CRACD: variants seen among roughly 807,000 people sequenced by gnomAD.
The protein encoded by CRACD is capping protein inhibiting regulator of actin dynamics.
Under a neutral mutation model 106.8 loss-of-function variants are expected in CRACD, and 56 were observed. That is an observed-to-expected ratio of 0.52 (90% CI 0.42 to 0.66). The LOEUF is 0.66. CRACD is among the 30% of genes least tolerant of loss of function. CRACD has a pLI of 0.00. For synonymous variants in CRACD, 754 were observed against 670.8 expected (o/e 1.12, Z -1.92); for missense variants, 1,730 against 1,623.2 (o/e 1.07, Z -1.13).
At chr4:56,289,066 A>G (rs954414505) in intron 3 of CRACD, among the ~76,000 whole-genome samples, 3 of 152,220 alleles carry the variant, frequency 2.0e-5, no homozygotes, top group Admixed American at 6.5e-5. Context: ...TACCTGAAAT[A>G]GTAAAATTCA....
At position 56,314,572 on chromosome 4, in the gene CRACD, A is replaced by C. The variant is rs1190935364; in HGVS notation, c.1070A>C (p.Glu357Ala). ...QEEEEGRCAE[E>A]LKRQEEEEAE... Reference sequence around the variant, plus strand: ...GAGGAGGAAGGAAGATGCGCGGAGGAGCTCAAAAGGCAGGAGGAGGAGGAG... The same window carrying C: ...GAGGAGGAAGGAAGATGCGCGGAGGCGCTCAAAAGGCAGGAGGAGGAGGAG... Residue 357 changes from glutamate (E) to alanine (A), a missense_variant, in exon 8 of 11, where the codon GAG (glutamate) becomes GCG (alanine). By Grantham distance (107) the Glu-to-Ala change is moderately radical. This residue lies in a region of CRACD where 1,620 missense variants were observed against 1,481.6 expected (regional missense o/e 1.09). Coordinates refer to ENST00000682029, the MANE Select transcript of CRACD (RefSeq NM_001393381.1). The surrounding 1 kb of genome is among the most constrained non-coding windows in gnomAD (Gnocchi z 4.4). 2.6e-6 allele frequency: 4 copies of C among 1,514,542 alleles called. No homozygotes were observed. Among genetic ancestry groups the C allele is most frequent in the Non-Finnish European group, 2.6e-6 (3 of 1,133,110 alleles). 93.8% of individuals were successfully genotyped at this position (1,514,542 alleles called of 1,614,324 possible). A position where few individuals can be genotyped will look rare whatever the true frequency, so the allele number is the denominator to read the frequency against.
intron 5 of CRACD, among the ~76,000 whole-genome samples, chr4:56,310,145 T>C (rs1745040882): frequency 1.3e-5 from 2 of 152,142 alleles, no homozygotes; most frequent in Non-Finnish European, 2.9e-5. Context: ...CTTTAGCCTT[T>C]TTCTTCTCCC....
chr4:56,058,329 A>C (rs1732158449), intron 1 of CRACD, among the ~76,000 whole-genome samples: 1 of 152,166 alleles, frequency 6.6e-6, no homozygotes, highest in South Asian at 2.1e-4. Context: ...TCGGCCTCCC[A>C]GACTGCCAGG....
intron 4 of CRACD, among the ~76,000 whole-genome samples, chr4:56,306,795 G>A (rs17086660): frequency 0.013 from 1,997 of 152,230 alleles, 41 homozygotes; most frequent in African/African-American, 0.044. Context: ...CTCACCAGTA[G>A]TCAGTCCCTC....
chr4:56,197,798 C>T (rs1434637460), intron 2 of CRACD, among the ~76,000 whole-genome samples: 2 of 152,064 alleles, frequency 1.3e-5, no homozygotes, highest in African/African-American at 4.8e-5. Context: ...CTGCCTCAGC[C>T]ATCCAAGTAG....
At chr4:56,178,599 A>G (rs928311483) in intron 1 of CRACD, among the ~76,000 whole-genome samples, 2 of 152,208 alleles carry the variant, frequency 1.3e-5, no homozygotes, top group African/African-American at 4.8e-5. Flanking sequence ...CTAAGCCCAT[A>G]CAAGCCAACC....
chr4:56,163,084 C>A (rs1160750632), intron 1 of CRACD, among the ~76,000 whole-genome samples: 1 of 152,122 alleles, frequency 6.6e-6, no homozygotes, highest in Non-Finnish European at 1.5e-5. Context: ...TGGGGCATGG[C>A]CTCTTCACCC....
chr4:56,325,641 A>G (rs1746395038), intron 10 of CRACD, among the ~76,000 whole-genome samples: 1 of 152,244 alleles, frequency 6.6e-6, no homozygotes, highest in Non-Finnish European at 1.5e-5. Context: ...TATTTGGTTA[A>G]AAGGTAAAAC....
chr4:56,141,591 T>C (rs574161399), intron 1 of CRACD, among the ~76,000 whole-genome samples: 1 of 151,676 alleles, frequency 6.6e-6, no homozygotes, highest in Non-Finnish European at 1.5e-5. Flanking sequence ...AGTGAGACTC[T>C]GTCTCAAAAC....
chr4:56,157,958 C>G (rs1231612534), intron 1 of CRACD, among the ~76,000 whole-genome samples: 2 of 152,154 alleles, frequency 1.3e-5, no homozygotes, highest in African/African-American at 4.8e-5. Flanking sequence ...AATTTCTACT[C>G]TCATTTAAAA....
intron 2 of CRACD, among the ~76,000 whole-genome samples, chr4:56,258,145 A>G (rs532929324): frequency 6.6e-6 from 1 of 152,236 alleles, no homozygotes; most frequent in African/African-American, 2.4e-5. Flanking sequence ...TTTCATCTGC[A>G]TAAGAAGAAA....
rs115287595 is a variant in CRACD, at chr4:56,108,680, A to G, written c.-336+59381A>G. 6.6e-3 allele frequency among the ~76,000 whole-genome samples: 1,001 copies of G among 152,232 alleles called. 7 individuals are homozygous for G. Among genetic ancestry groups the G allele is most frequent in the African/African-American group, 0.023 (959 of 41,534 alleles). On this transcript the variant is annotated intron_variant, in intron 1 of 10. Transcript: ENST00000682029. ...GCAGGGTAAGGAGGGTGAGTAGTCCAAGTAATTGATAAGGTCAAGCAAGTC... is the reference window on the plus strand; with the variant it reads ...GCAGGGTAAGGAGGGTGAGTAGTCCGAGTAATTGATAAGGTCAAGCAAGTC...
At chr4:56,204,896 A>G (rs1738047930) in intron 2 of CRACD, among the ~76,000 whole-genome samples, 1 of 152,330 alleles carries the variant, frequency 6.6e-6, no homozygotes, top group East Asian at 1.9e-4. Flanking sequence ...ACAGTGGCTC[A>G]TGCCTGTAAT....
chr4:56,207,476 A>G (rs1600267), intron 2 of CRACD, among the ~76,000 whole-genome samples: 71,187 of 151,850 alleles, frequency 0.47, 19,151 homozygotes, highest in African/African-American at 0.72. Context: ...GTGGACCAGT[A>G]TTCTTACTGA....
chr4:56,121,905 A>G (rs540406924), intron 1 of CRACD, among the ~76,000 whole-genome samples: 3 of 152,366 alleles, frequency 2.0e-5, no homozygotes, highest in African/African-American at 7.2e-5. Flanking sequence ...AACCTAGACC[A>G]ACAAAAGGTT....
chr4:56,070,734 G>C (rs1229628731), intron 1 of CRACD, among the ~76,000 whole-genome samples: 2 of 152,120 alleles, frequency 1.3e-5, no homozygotes, highest in Non-Finnish European at 2.9e-5. Flanking sequence ...GGGTGGTGAT[G>C]GGGGGTCAAA....
At chr4:56,257,721 A>C (rs1577814776) in intron 2 of CRACD, among the ~76,000 whole-genome samples, 2 of 152,084 alleles carry the variant, frequency 1.3e-5, no homozygotes, top group East Asian at 3.9e-4. Context: ...TAGATCTTCC[A>C]GGTCTTTTTC....
chr4:56,283,616 A>G (rs541155998), intron 3 of CRACD, among the ~76,000 whole-genome samples: 59 of 152,264 alleles, frequency 3.9e-4, no homozygotes, highest in South Asian at 2.9e-3. Context: ...GATGTAGGGA[A>G]CACAGCTTCT....
chr4:56,157,331 CA>C (rs1224466766), intron 1 of CRACD, among the ~76,000 whole-genome samples: 1 of 152,006 alleles, frequency 6.6e-6, no homozygotes, highest in East Asian at 1.9e-4. Context: ...AAAAGAAAAT[CA>C]AAGTTTACTA....
Sources: gnomAD v4.1 joint callset for allele counts (sites outside exome capture counted in the v4.1 genomes callset) on GRCh38, gnomAD v4.1.1 for gene constraint, gnomAD v4.1.1 regional missense constraint, Gnocchi (gnomAD v3.1) non-coding constraint, MANE v1.5 for transcripts, NCBI Gene and HGNC (gene_info 2026-07-23, HGNC 2026-07-21) for gene names.